Variants in CATSPERB observed in about 807,000 individuals in gnomAD.
CATSPERB encodes the protein cation channel sperm-associated auxiliary subunit beta.
CATSPERB carries 93 observed loss-of-function variants against 128.3 expected under a neutral mutation model. The observed-to-expected ratio is 0.72, with a 90% confidence interval of 0.61 to 0.86. The LOEUF is 0.86. CATSPERB is among the 40% of genes least tolerant of loss of function. CATSPERB has a pLI of 0.00. For synonymous variants in CATSPERB, 381 were observed against 448.8 expected (o/e 0.85, Z 1.91); for missense variants, 1,153 against 1,329.5 (o/e 0.87, Z 2.06).
chr14:91,649,534 T>C (rs567538275), intron 15 of CATSPERB, among the ~76,000 whole-genome samples: 1 of 151,302 alleles, frequency 6.6e-6, no homozygotes, highest in South Asian at 2.1e-4. Flanking sequence ...GTTTTGCCTG[T>C]CACCCAGGCT....
chr14:91,699,773 A>G (rs574658346), intron 7 of CATSPERB, among the ~76,000 whole-genome samples: 1 of 151,948 alleles, frequency 6.6e-6, no homozygotes, highest in South Asian at 2.1e-4. Context: ...GGATTTCACC[A>G]TGTTGGCCAG....
intron 15 of CATSPERB, among the ~76,000 whole-genome samples, chr14:91,650,252 G>T (rs1488168633): frequency 6.6e-6 from 1 of 152,102 alleles, no homozygotes; most frequent in African/African-American, 2.4e-5. Context: ...GATCATTGGT[G>T]CAATACATGT....
At chr14:91,670,332 C>A (rs1895066144) in intron 13 of CATSPERB, among the ~76,000 whole-genome samples, 1 of 152,184 alleles carries the variant, frequency 6.6e-6, no homozygotes, top group South Asian at 2.1e-4. Context: ...CAGTTCTATT[C>A]AACCATTATT....
At chr14:91,608,550 C>G (rs1893758237) in intron 21 of CATSPERB, 146 bp from the exon 22 acceptor site, 6 of 608,836 alleles carry the variant, frequency 9.9e-6, no homozygotes, top group African/African-American at 3.8e-5. Context: ...CCCAACTTTT[C>G]TACCCCTCAT....
intron 16 of CATSPERB, among the ~76,000 whole-genome samples, 189 bp downstream of exon 16, chr14:91,638,907 A>G (rs1894432155): frequency 6.6e-6 from 1 of 152,206 alleles, no homozygotes; most frequent in Admixed American, 6.5e-5. Flanking sequence ...ATAATTCCAT[A>G]TGGGACTTGG....
At position 91,623,419 on chromosome 14, in the gene CATSPERB, C is replaced by T. The variant is rs533257623; in HGVS notation, c.1930+1401G>A. 3.9e-5 allele frequency among the ~76,000 whole-genome samples: 6 copies of T among 152,268 alleles called. No homozygotes were observed. In the East Asian group the frequency reaches 9.6e-4, roughly 24 times the overall value. ...CTAGATATTGCCCTGGATTAGACCT[C>T]AAGCCTCTTCCCTTCTATAACACCA... On this transcript the variant is annotated intron_variant, in intron 18 of 26. Coordinates refer to ENST00000256343, the MANE Select transcript of CATSPERB (RefSeq NM_024764.4).
intron 22 of CATSPERB, among the ~76,000 whole-genome samples, chr14:91,606,913 A>T (rs563541050): frequency 5.7e-4 from 87 of 152,280 alleles, no homozygotes; most frequent in African/African-American, 2.1e-3. Context: ...TTCCATGTAA[A>T]CATAGTAAAG....
chr14:91,600,196 T>C (rs956364465), intron 22 of CATSPERB, among the ~76,000 whole-genome samples: 12 of 152,212 alleles, frequency 7.9e-5, no homozygotes, highest in African/African-American at 2.9e-4. Context: ...CAAACTGATA[T>C]CCATAACAGC....
At position 91,617,613 on chromosome 14, in the gene CATSPERB, C is replaced by T; in HGVS notation, c.2384G>A (p.Ser795Asn). 2 of 1,578,634 alleles carry T rather than the reference C, an allele frequency of 1.3e-6. No individual in the cohort carries two copies. Among genetic ancestry groups the T allele is most frequent in the Admixed American group, 2.0e-5 (1 of 49,220 alleles). ...AAATCCTACCTGATGTAAAACTTTG[C>T]TAGCTGCAGAAATTGTTATTACATA... ...DSYVITISAA[S>N]KVLHQGSTSL... Residue 795 changes from serine to asparagine, a missense_variant, in exon 20 of 27, where the codon AGC (serine) becomes AAC (asparagine). Ser to Asn is a conservative substitution (Grantham distance 46). Transcript: ENST00000256343.
intron 15 of CATSPERB, among the ~76,000 whole-genome samples, chr14:91,657,629 G>A (rs540665056): frequency 3.3e-5 from 5 of 152,088 alleles, no homozygotes; most frequent in African/African-American, 1.2e-4. Context: ...ATCTGACAAG[G>A]AATTAATAAC....
In CATSPERB at chr14:91,621,877, C is replaced by T; in HGVS notation, c.1991G>A (p.Ser664Asn). 1 of 1,613,960 alleles carries T rather than the reference C, an allele frequency of 6.2e-7. No individual in the cohort carries two copies. Among genetic ancestry groups the T allele is most frequent in the Non-Finnish European group, 8.5e-7 (1 of 1,179,932 alleles). Residue 664 changes from serine to asparagine, a missense_variant, in exon 19 of 27, where the codon AGC becomes AAC. Ser to Asn is a conservative substitution (Grantham distance 46). Transcript: ENST00000256343. ...IEKTVVLPGYSSFLITSILDN... is the reference protein window; with the variant it reads ...IEKTVVLPGYNSFLITSILDN... ...TAAAATGCTTGTGATGAGGAAGCTG[C>T]TGTACCCGGGAAGCACTACAGTCTT...
At chr14:91,671,120 G>C (rs1895080372) in intron 13 of CATSPERB, among the ~76,000 whole-genome samples, 1 of 152,220 alleles carries the variant, frequency 6.6e-6, no homozygotes, top group Admixed American at 6.5e-5. Flanking sequence ...GAACTGCTGG[G>C]AAATGAGGCT....
intron 2 of CATSPERB, among the ~76,000 whole-genome samples, chr14:91,727,177 G>T (rs960293303): frequency 1.3e-5 from 2 of 152,232 alleles, no homozygotes; most frequent in Admixed American, 6.5e-5. Flanking sequence ...TGTTACAAAA[G>T]TATATTTTGT....
chr14:91,702,858 C>CT (rs1041407806), intron 7 of CATSPERB, among the ~76,000 whole-genome samples: 3 of 151,718 alleles, frequency 2.0e-5, no homozygotes, highest in East Asian at 1.9e-4. Flanking sequence ...TTATTTTGGT[C>CT]TTTTTTTATG....
intron 11 of CATSPERB, 90 bp from the exon 12 acceptor site, chr14:91,674,312 CAT>C: frequency 1.3e-6 from 1 of 741,410 alleles, no homozygotes; most frequent in Non-Finnish European, 2.3e-6. Flanking sequence ...TCATGAAAAT[CAT>C]AGAAATTATT....
chr14:91,709,557 TGG>T (rs1895798094), intron 5 of CATSPERB: 2 of 119,234 alleles, frequency 1.7e-5, no homozygotes, highest in African/African-American at 6.2e-5. Context: ...CCGGGTGTGG[TGG>T]CAGGCATCTG....
intron 11 of CATSPERB, among the ~76,000 whole-genome samples, chr14:91,675,988 C>T (rs1252942884): frequency 6.6e-6 from 1 of 152,158 alleles, no homozygotes; most frequent in Non-Finnish European, 1.5e-5. Context: ...TAAACAGTCC[C>T]AACTCCAATT....
chr14:91,598,334 A>G (rs1427423568), intron 22 of CATSPERB, among the ~76,000 whole-genome samples: 3 of 151,964 alleles, frequency 2.0e-5, no homozygotes, highest in Admixed American at 6.6e-5. Flanking sequence ...TTCTTTAGCA[A>G]GAATGTTTTT....
At chr14:91,715,552 CAA>C (rs57554614) in intron 5 of CATSPERB, among the ~76,000 whole-genome samples, 10 of 45,630 alleles carry the variant, frequency 2.2e-4, no homozygotes, top group African/African-American at 6.1e-4. Context: ...GACTCCATCT[CAA>C]AAAAAAAAAA....
Sources: allele counts gnomAD v4.1 joint callset (sites outside exome capture counted in the v4.1 genomes callset), GRCh38; gene constraint gnomAD v4.1.1; transcripts MANE v1.5; gene names NCBI Gene and HGNC (gene_info 2026-07-23, HGNC 2026-07-21).